AFAP1L1: variants seen among roughly 807,000 people sequenced by gnomAD.
The protein encoded by AFAP1L1 is actin filament associated protein 1 like 1, also known as actin filament-associated protein 1-like 1.
Under a neutral mutation model 99.8 loss-of-function variants are expected in AFAP1L1, and 77 were observed. The ratio of observed to expected loss-of-function variants is 0.77; its 90% confidence interval spans 0.64 to 0.93. AFAP1L1 has a LOEUF of 0.93. Ranked by LOEUF, AFAP1L1 falls within the 40% of genes least tolerant of loss-of-function variation. AFAP1L1 has a pLI of 0.00. For missense variants in AFAP1L1, 893 were observed against 996.8 expected, an observed-to-expected ratio of 0.90 and a Z score of 1.40; for synonymous variants, 373 against 395.3, an observed-to-expected ratio of 0.94 and a Z score of 0.67.
chr5:149,315,864 G>T lies in AFAP1L1; in HGVS notation c.1064G>T (p.Gly355Val), dbSNP rs947407122. 3 of 1,614,164 alleles carry T rather than the reference G, an allele frequency of 1.9e-6. No individual in the cohort carries two copies. Among genetic ancestry groups the T allele is most frequent in the Non-Finnish European group, 2.5e-6 (3 of 1,180,018 alleles). Residue 355 changes from glycine (G) to valine (V), a missense_variant, in exon 10 of 19, where the codon GGT becomes GTT. Physicochemically the swap from Gly to Val is moderately radical, Grantham distance 109. Transcript: ENST00000296721. ...CAGACCTCAGATTCTGACAGCGTGGGTGTGGGTGACAACTGTTCTACCCTT... is the reference window on the plus strand; with the variant it reads ...CAGACCTCAGATTCTGACAGCGTGGTTGTGGGTGACAACTGTTCTACCCTT... ...EKQTSDSDSV[G>V]VGDNCSTLGR...
Position 149,335,106 on chromosome 5 carries a change from G to A in AFAP1L1, c.2155-488G>A, listed in dbSNP as rs1415764625. Among the ~76,000 whole-genome samples the A allele has an allele frequency of 2.0e-5, 3 of 152,314 alleles. No individual in the cohort carries two copies. The South Asian group carries it at 6.2e-4, about 32-fold the overall frequency. On this transcript the variant is annotated intron_variant, in intron 17 of 18. Coordinates refer to ENST00000296721, the MANE Select transcript of AFAP1L1 (RefSeq NM_152406.4). ...TACGTAGTGAGGTTCAGTAATTTTA[G>A]TTGTCATTATCGTTATCTGAAGGTC...
At chr5:149,301,673 C>G (rs1014581205) in intron 4 of AFAP1L1, among the ~76,000 whole-genome samples, 1 of 152,064 alleles carries the variant, frequency 6.6e-6, no homozygotes, top group African/African-American at 2.4e-5. Flanking sequence ...CTTCTCTTCT[C>G]TGAGCCTGAG....
chr5:149,336,554 G>C (rs1045103722), intron 18 of AFAP1L1, among the ~76,000 whole-genome samples: 13 of 152,160 alleles, frequency 8.5e-5, no homozygotes, highest in Admixed American at 8.5e-4. Flanking sequence ...CAGGTTGACG[G>C]GCCATATCTG....
intron 1 of AFAP1L1, among the ~76,000 whole-genome samples, chr5:149,297,589 A>G (rs1421020367): frequency 6.6e-6 from 1 of 152,176 alleles, no homozygotes; most frequent in Non-Finnish European, 1.5e-5. Flanking sequence ...CTCATTGTCA[A>G]CGAGTTTGGG....
At chr5:149,301,032 G>A (rs1033214969) in intron 3 of AFAP1L1, 101 bp from the exon 4 acceptor site, 21 of 927,270 alleles carry the variant, frequency 2.3e-5, no homozygotes, top group East Asian at 7.5e-5. Flanking sequence ...GGTGGAGCCC[G>A]ACCTCACACT....
At chr5:149,299,837 C>T (rs1041291277) in intron 2 of AFAP1L1, among the ~76,000 whole-genome samples, 200 bp downstream of exon 2, 3 of 152,090 alleles carry the variant, frequency 2.0e-5, no homozygotes, top group Non-Finnish European at 4.4e-5. Flanking sequence ...CCACTGGGGC[C>T]CCACCTCCCC....
intron 6 of AFAP1L1, 143 bp downstream of exon 6, chr5:149,306,547 T>G: frequency 2.8e-6 from 2 of 722,852 alleles, no homozygotes; most frequent in Non-Finnish European, 4.4e-6. Flanking sequence ...CACCCTTGTT[T>G]TGGGTGACCC....
chr5:149,314,433 TTTG>T (rs59875305), intron 9 of AFAP1L1, among the ~76,000 whole-genome samples: 10,478 of 152,090 alleles, frequency 0.069, 390 homozygotes, highest in Middle Eastern at 0.15. Context: ...GGGGTGGTAT[TTTG>T]GGTGGAGAGT....
intron 9 of AFAP1L1, among the ~76,000 whole-genome samples, chr5:149,313,453 G>C (rs1212373207): frequency 6.6e-6 from 1 of 152,234 alleles, no homozygotes; most frequent in Non-Finnish European, 1.5e-5. Context: ...TACATTTTCA[G>C]AGGAGAAAGC....
At chr5:149,339,441 C>T (rs907552225) in intron 18 of AFAP1L1, among the ~76,000 whole-genome samples, 2 of 152,188 alleles carry the variant, frequency 1.3e-5, no homozygotes, top group Non-Finnish European at 2.9e-5. Context: ...ATCCGCCCAC[C>T]TCGGCCTCCC....
rs1279929710 is a variant in AFAP1L1, at chr5:149,299,507, A to G, written c.17-2A>G. On this transcript the variant is annotated splice_acceptor_variant, in intron 1 of 18. Transcript: ENST00000296721. LOFTEE classifies it high-confidence loss of function. The stretch of plus-strand genomic sequence containing the variant: ...ACTGTGCCCGTCTGCCTTCCTCCGC[A>G]GTGCTGGAGCAGCTGCTCCCAGAGC... 1.2e-6 allele frequency: 2 copies of G among 1,614,024 alleles called. No homozygotes were observed. Among genetic ancestry groups the G allele is most frequent in the Non-Finnish European group, 1.7e-6 (2 of 1,179,970 alleles).
rs964433873 is a variant in AFAP1L1, at chr5:149,309,868, C to G, written c.748-88C>G. ...GTGGGGGAGGTCTCTAAAGGGAGGT[C>G]GGGCTTCCCCCGAGCCTTTGTGTGA... On this transcript the variant is annotated intron_variant, in intron 7 of 18. Coordinates refer to ENST00000296721, the MANE Select transcript of AFAP1L1 (RefSeq NM_152406.4). 1.9e-6 allele frequency: 3 copies of G among 1,560,382 alleles called. No individual in the cohort carries two copies. The African/African-American group carries it at 4.1e-5, about 21-fold the overall frequency.
chr5:149,328,746 G>A (rs1489606863), intron 15 of AFAP1L1, among the ~76,000 whole-genome samples: 2 of 152,136 alleles, frequency 1.3e-5, no homozygotes, highest in Non-Finnish European at 2.9e-5. Flanking sequence ...CCCCAGAGGT[G>A]GAGGTTGCAG....
intron 1 of AFAP1L1, among the ~76,000 whole-genome samples, chr5:149,282,134 G>A (rs745633317): frequency 1.3e-5 from 2 of 152,206 alleles, no homozygotes; most frequent in Non-Finnish European, 2.9e-5. Context: ...GAGCTGGCCT[G>A]GCGTGATTCT....
chr5:149,315,979 C>T (rs1756782370), intron 10 of AFAP1L1, 65 bp downstream of exon 10: 2 of 1,599,870 alleles, frequency 1.3e-6, no homozygotes, highest in Admixed American at 1.7e-5. Context: ...CCCATGGGCA[C>T]ACAGCGGCAG....
chr5:149,299,512 T>A lies in AFAP1L1; in HGVS notation c.20T>A (p.Leu7Gln). The stretch of plus-strand genomic sequence containing the variant: ...GCCCGTCTGCCTTCCTCCGCAGTGC[T>A]GGAGCAGCTGCTCCCAGAGCTCACC... Reference protein sequence around the residue: MDRGQVLEQLLPELTGL... With the variant: MDRGQVQEQLLPELTGL... The change falls in exon 2 of 19, where the codon CTG becomes CAG. Residue 7 changes from leucine (L) to glutamine (Q), a missense_variant. Leu to Gln is a moderately radical substitution (Grantham distance 113). Transcript: ENST00000296721. 6.2e-7 allele frequency: 1 copy of A among 1,614,092 alleles called. No individual in the cohort carries two copies. Among genetic ancestry groups the A allele is most frequent in the Non-Finnish European group, 8.5e-7 (1 of 1,179,992 alleles).
intron 12 of AFAP1L1, among the ~76,000 whole-genome samples, chr5:149,318,561 T>C (rs1756862516): frequency 6.6e-6 from 1 of 152,212 alleles, no homozygotes; most frequent in Non-Finnish European, 1.5e-5. Context: ...CTCAGCATGA[T>C]GTCCAGCACT....
Position 149,320,529 on chromosome 5 carries a change from T to C in AFAP1L1, c.1698+66T>C. On this transcript the variant is annotated intron_variant, in intron 14 of 18. Coordinates refer to ENST00000296721, the MANE Select transcript of AFAP1L1 (RefSeq NM_152406.4). The surrounding 1 kb of genome is among the most constrained non-coding windows in gnomAD (Gnocchi z 4.0). ...ACTTATTAGCTCTCCCTCTTTCTGC[T>C]CCCTTTACCTTCTGCCTCAGAAAGA... 3.6e-6 allele frequency: 5 copies of C among 1,407,430 alleles called. No homozygotes were observed. The South Asian group carries it at 5.8e-5, about 16-fold the overall frequency. 87.2% of individuals were successfully genotyped at this position (1,407,430 alleles called of 1,614,324 possible).
At chr5:149,333,646 T>C (rs1325151900) in intron 17 of AFAP1L1, among the ~76,000 whole-genome samples, 1 of 152,214 alleles carries the variant, frequency 6.6e-6, no homozygotes, top group African/African-American at 2.4e-5. Context: ...AGTAATTCTT[T>C]CTTATAAGGG....
Sources: gnomAD v4.1 joint callset for allele counts (sites outside exome capture counted in the v4.1 genomes callset) on GRCh38, gnomAD v4.1.1 for gene constraint, Gnocchi (gnomAD v3.1) non-coding constraint, MANE v1.5 for transcripts, NCBI Gene and HGNC (gene_info 2026-07-23, HGNC 2026-07-21) for gene names.